FAM13C: variants seen among roughly 807,000 people sequenced by gnomAD.
FAM13C encodes protein FAM13C.
Under a neutral mutation model 73.2 loss-of-function variants are expected in FAM13C, and 37 were observed. The ratio of observed to expected loss-of-function variants is 0.51; its 90% CI spans 0.39 to 0.67. The LOEUF (loss-of-function observed/expected upper bound fraction) is 0.67, where lower values mean the gene tolerates loss of function less well. Ranked by LOEUF, FAM13C falls within the 30% of genes least tolerant of loss-of-function variation. The pLI is 0.00. For synonymous variants in FAM13C, 246 were observed against 260.9 expected, an observed-to-expected ratio of 0.94 and a Z score of 0.55; for missense variants, 589 against 715.6, an observed-to-expected ratio of 0.82 and a Z score of 2.02.
chr10:59,255,523 A>G (rs1350398466), intron 10 of FAM13C, among the ~76,000 whole-genome samples: 2 of 152,058 alleles, frequency 1.3e-5, no homozygotes, highest in East Asian at 3.9e-4. Context: ...AATTTTCTGC[A>G]TGTCTAGTAC....
chr10:59,356,192 TA>T (rs1589734981), intron 1 of FAM13C, among the ~76,000 whole-genome samples: 1 of 152,194 alleles, frequency 6.6e-6, no homozygotes, highest in East Asian at 1.9e-4. Flanking sequence ...CTGTGTCACC[TA>T]AACTAACAAG....
intron 10 of FAM13C, among the ~76,000 whole-genome samples, chr10:59,258,020 C>A (rs566349230): frequency 4.4e-4 from 67 of 151,976 alleles, no homozygotes; most frequent in Non-Finnish European, 7.4e-4. Context: ...TCAATGCTAT[C>A]CATTAATAAA....
At chr10:59,253,201 G>T (rs557850617) in intron 11 of FAM13C, among the ~76,000 whole-genome samples, 1 of 152,304 alleles carries the variant, frequency 6.6e-6, no homozygotes, top group Non-Finnish European at 1.5e-5. Flanking sequence ...TGAGCAAAAA[G>T]GCAGCAGTCA....
Position 59,268,727 on chromosome 10 carries a change from C to G in FAM13C, c.804-36G>C, listed in dbSNP as rs1843364625. On this transcript the variant is annotated intron_variant, in intron 7 of 13. Transcript: ENST00000618804. The stretch of plus-strand genomic sequence containing the variant: ...TACAAGGAGGAAGGAGTATCAAAAA[C>G]AGTGGGCTTCCAGTAAACAGTTCTG... The G allele has an allele frequency of 4.4e-6, 7 of 1,599,094 alleles. No homozygotes were observed. In the East Asian group the frequency reaches 9.0e-5, roughly 20 times the overall value.
intron 2 of FAM13C, among the ~76,000 whole-genome samples, chr10:59,355,075 C>T (rs1240064515): frequency 6.6e-6 from 1 of 151,938 alleles, no homozygotes; most frequent in Non-Finnish European, 1.5e-5. Context: ...GGAATCAATC[C>T]AAGAAAGCTC....
chr10:59,284,028 G>GGTGTGT (rs1419838075), intron 5 of FAM13C, among the ~76,000 whole-genome samples: 164 of 131,432 alleles, frequency 1.2e-3, no homozygotes, highest in African/African-American at 5.2e-3. Context: ...GGTATGCTGG[G>GGTGTGT]GTATGTGTGT....
At chr10:59,271,288 A>C (rs567639851) in intron 6 of FAM13C, among the ~76,000 whole-genome samples, 1 of 152,364 alleles carries the variant, frequency 6.6e-6, no homozygotes, top group African/African-American at 2.4e-5. Flanking sequence ...ATTTGGTACC[A>C]GATGAATCTT....
chr10:59,251,561 C>CT lies in FAM13C; in HGVS notation c.1634+13dup. On this transcript the variant is annotated intron_variant, in intron 13 of 13. Transcript: ENST00000618804. ...GGAAGTATTAGCTTTAAAAATCTCT[C>CT]TGCCGACACATACCTTCCTGTTTGT... 6.2e-7 allele frequency: 1 copy of CT among 1,608,926 alleles called. No individual in the cohort carries two copies. The highest frequency in any genetic ancestry group is 8.5e-7 in the Non-Finnish European group (1 of 1,175,350).
At chr10:59,295,673 A>T (rs1846830594) in intron 5 of FAM13C, among the ~76,000 whole-genome samples, 1 of 152,214 alleles carries the variant, frequency 6.6e-6, no homozygotes, top group Non-Finnish European at 1.5e-5. Flanking sequence ...TAATAAATAA[A>T]TGTTTAAAGC....
At chr10:59,309,282 A>G (rs908598977) in intron 4 of FAM13C, among the ~76,000 whole-genome samples, 1 of 152,034 alleles carries the variant, frequency 6.6e-6, no homozygotes, top group African/African-American at 2.4e-5. Context: ...CATCTGAACT[A>G]CCTGAATGAC....
intron 7 of FAM13C, among the ~76,000 whole-genome samples, chr10:59,269,484 A>G (rs1282185567): frequency 1.3e-5 from 2 of 151,788 alleles, no homozygotes; most frequent in Non-Finnish European, 2.9e-5. Context: ...GTAAGCTACC[A>G]CTTTTCTAGA....
chr10:59,314,647 T>A (rs1457775857), intron 4 of FAM13C, among the ~76,000 whole-genome samples: 1 of 152,198 alleles, frequency 6.6e-6, no homozygotes, highest in African/African-American at 2.4e-5. Flanking sequence ...ACAGCTGTCT[T>A]ATTCCTGCAT....
intron 3 of FAM13C, among the ~76,000 whole-genome samples, chr10:59,331,517 TAGTCTTGA>T (rs1272611271): frequency 6.6e-6 from 1 of 152,120 alleles, no homozygotes; most frequent in African/African-American, 2.4e-5. Flanking sequence ...GAAGACCTAC[TAGTCTTGA>T]AGAGTTTGGG....
intron 1 of FAM13C, among the ~76,000 whole-genome samples, chr10:59,358,327 G>A (rs755941704): frequency 3.8e-4 from 58 of 152,070 alleles, no homozygotes; most frequent in Non-Finnish European, 6.2e-4. Flanking sequence ...GTAGTGAGCC[G>A]GGATCACACC....
At chr10:59,290,085 CT>C (rs1846046691) in intron 5 of FAM13C, among the ~76,000 whole-genome samples, 1 of 152,160 alleles carries the variant, frequency 6.6e-6, no homozygotes, top group Non-Finnish European at 1.5e-5. Context: ...GTGTGGTTTT[CT>C]TTAAAAAGCT....
At chr10:59,252,712 C>T in intron 12 of FAM13C, 87 bp downstream of exon 12, 1 of 1,351,830 alleles carries the variant, frequency 7.4e-7, no homozygotes, top group Non-Finnish European at 1.1e-6. Flanking sequence ...TTGAGTCCAG[C>T]ATTTTCAAAG....
chr10:59,272,591 G>C (rs1371415050), intron 6 of FAM13C, among the ~76,000 whole-genome samples: 1 of 152,144 alleles, frequency 6.6e-6, no homozygotes, highest in Non-Finnish European at 1.5e-5. Context: ...CTATCCCCAA[G>C]GAAGGGGCAG....
chr10:59,333,632 A>C (rs1852312643), intron 3 of FAM13C, among the ~76,000 whole-genome samples: 1 of 152,122 alleles, frequency 6.6e-6, no homozygotes, highest in Non-Finnish European at 1.5e-5. Context: ...CTACCATGTT[A>C]TTTTCTGAAA....
intron 6 of FAM13C, among the ~76,000 whole-genome samples, chr10:59,273,471 C>G (rs904904736): frequency 6.6e-6 from 1 of 152,078 alleles, no homozygotes; most frequent in African/African-American, 2.4e-5. Flanking sequence ...TACTCTGAGT[C>G]CCTATTTATA....
Sources: gnomAD v4.1 joint callset for allele counts (sites outside exome capture counted in the v4.1 genomes callset) on GRCh38, gnomAD v4.1.1 for gene constraint, MANE v1.5 for transcripts, NCBI Gene and HGNC (gene_info 2026-07-23, HGNC 2026-07-21) for gene names.